The following HEATR6 variants were observed in gnomAD, a reference collection of about 807,000 sequenced individuals.
HEATR6 encodes HEAT repeat containing 6.
In HEATR6, 106 loss-of-function variants were observed where a neutral mutation model predicts 132.8. The ratio of observed to expected loss-of-function variants is 0.80; its 90% CI spans 0.68 to 0.94. The LOEUF is 0.94. Among genes scored for constraint, HEATR6 ranks in the 40% least tolerant of loss-of-function variants. HEATR6 has a pLI of 0.00. For missense variants in HEATR6, 1,339 were observed against 1,425.1 expected (o/e 0.94, Z 0.97); for synonymous variants, 529 against 537.8 (o/e 0.98, Z 0.23).
Position 60,043,581 on chromosome 17 carries a change from T to G in HEATR6, c.3528A>C (p.Pro1176=), listed in dbSNP as rs1407587583. The G allele has an allele frequency of 6.2e-7, 1 of 1,612,506 alleles. No individual in the cohort carries two copies. Among genetic ancestry groups the G allele is most frequent in the Non-Finnish European group, 8.5e-7 (1 of 1,178,816 alleles). ...GGGATCTTCACTGATTTGTTAACCCTGGGAGTGCCCCTTGTGATCCAGATG... is the reference window on the plus strand; with the variant it reads ...GGGATCTTCACTGATTTGTTAACCCGGGGAGTGCCCCTTGTGATCCAGATG... ...FDSSGSQGAL[P]GLTNQ The change falls in exon 20 of 20, where the codon CCA becomes CCC. Residue 1176 remains proline (P), a synonymous_variant. Coordinates refer to ENST00000184956, the MANE Select transcript of HEATR6 (RefSeq NM_022070.5).
At chr17:60,047,429 A>G (rs1226893721) in intron 17 of HEATR6, 24 bp from the exon 18 acceptor site, 1 of 1,456,230 alleles carries the variant, frequency 6.9e-7, no homozygotes. Context: ...AGCAGACAAC[A>G]CATGTTAAAA....
At chr17:60,064,330 C>CAAAG (rs550875564) in intron 9 of HEATR6, 4 of 167,676 alleles carry the variant, frequency 2.4e-5, no homozygotes, top group African/African-American at 9.6e-5. Flanking sequence ...AACAAACAAA[C>CAAAG]AAAAGCCTGT....
At position 60,069,253 on chromosome 17, in the gene HEATR6, C is replaced by T. The variant is rs8082129; in HGVS notation, c.939+458G>A. ...CAAATTATGGCCCAAAAGCCAAATC[C>T]AGCCCAGCACACAGCCTGCTTCTGT... On this transcript the variant is annotated intron_variant, in intron 7 of 19. Coordinates refer to ENST00000184956, the MANE Select transcript of HEATR6 (RefSeq NM_022070.5). Among the ~76,000 whole-genome samples the T allele has an allele frequency of 7.2e-3, 1,103 of 152,380 alleles. 11 individuals carry two copies. The highest frequency in any genetic ancestry group is 0.024 in the African/African-American group (1,013 of 41,594).
intron 8 of HEATR6, among the ~76,000 whole-genome samples, chr17:60,066,999 G>A (rs1189773866): frequency 6.6e-6 from 1 of 152,136 alleles, no homozygotes; most frequent in East Asian, 1.9e-4. Context: ...GGCCGGGCGC[G>A]GTGGCTCACG....
intron 1 of HEATR6, 130 bp from the exon 2 acceptor site, chr17:60,076,367 G>A: frequency 1.7e-6 from 1 of 590,408 alleles, no homozygotes; most frequent in Admixed American, 3.0e-5. Context: ...GAGGCAGGAA[G>A]GAAAAAAATG....
At position 60,067,455 on chromosome 17, in the gene HEATR6, C is replaced by T. The variant is rs755247287; in HGVS notation, c.1217G>A (p.Gly406Glu). 2.6e-6 allele frequency: 4 copies of T among 1,558,298 alleles called. No individual in the cohort carries two copies. Among genetic ancestry groups the T allele is most frequent in the Admixed American group, 4.1e-5 (2 of 48,410 alleles). ...SSESDFSDAE[G>E]GMQSKMRSYQ... ...CTACCTCATTTTACTCTGCATGCCT[C>T]CTTCAGCATCAGAAAAGTCTGACTC... Residue 406 changes from glycine to glutamate, a missense_variant, in exon 8 of 20, where the codon GGA becomes GAA. Coordinates refer to ENST00000184956, the MANE Select transcript of HEATR6 (RefSeq NM_022070.5).
At chr17:60,069,097 C>T (rs924830138) in intron 7 of HEATR6, among the ~76,000 whole-genome samples, 2 of 152,214 alleles carry the variant, frequency 1.3e-5, no homozygotes, top group Non-Finnish European at 2.9e-5. Flanking sequence ...CATCTGTATG[C>T]TCCAGGTTCT....
intron 4 of HEATR6, 52 bp downstream of exon 4, chr17:60,073,112 C>G (rs964395498): frequency 9.6e-7 from 1 of 1,046,778 alleles, no homozygotes; most frequent in Admixed American, 1.7e-5. Context: ...ACAAAGGGCC[C>G]AATAGAGGCA....
intron 15 of HEATR6, 108 bp downstream of exon 15, chr17:60,050,735 C>G (rs1383128913): frequency 2.2e-6 from 3 of 1,359,646 alleles, no homozygotes; most frequent in Non-Finnish European, 3.1e-6. Context: ...GAACTAGCGC[C>G]TTTTCATCAG....
At chr17:60,044,243 T>G (rs1410914442) in intron 19 of HEATR6, 109 bp from the exon 20 acceptor site, 1 of 749,372 alleles carries the variant, frequency 1.3e-6, no homozygotes, top group Non-Finnish European at 2.2e-6. Flanking sequence ...ACACTCATTT[T>G]ATGTGTTCAC....
chr17:60,049,557 G>T (rs1238258841), intron 16 of HEATR6, 23 bp downstream of exon 16: 1 of 1,612,734 alleles, frequency 6.2e-7, no homozygotes, highest in East Asian at 2.2e-5. Context: ...GGGCACAGAA[G>T]AGCTAAATAG....
intron 2 of HEATR6, 183 bp from the exon 3 acceptor site, chr17:60,074,069 C>T: frequency 3.1e-6 from 4 of 1,299,716 alleles, no homozygotes; most frequent in Non-Finnish European, 2.9e-6. Context: ...CTTCTCCCCA[C>T]CCCAAGGTCT....
intron 1 of HEATR6, 46 bp from the exon 2 acceptor site, chr17:60,076,283 T>C: frequency 6.8e-6 from 7 of 1,030,312 alleles, no homozygotes; most frequent in Non-Finnish European, 1.0e-5. Context: ...ATTAGTCAAG[T>C]GAAGATCCTC....
chr17:60,044,116 G>A lies in HEATR6; in HGVS notation c.2993C>T (p.Ser998Phe). 1 of 1,611,108 alleles carries A rather than the reference G, an allele frequency of 6.2e-7. No homozygotes were observed. The highest frequency in any genetic ancestry group is 8.5e-7 in the Non-Finnish European group (1 of 1,178,368). ...ALPLGTAPWT[S>F]QAYNALTSVV... ...CGATGTCAGGGCATTGTAGGCCTGG[G>A]AGGTCCATGGGGCTGTCCCTAGAAA... The change falls in exon 20 of 20, where the codon TCC becomes TTC. Residue 998 changes from serine (S) to phenylalanine (F), a missense_variant. Physicochemically the swap from Ser to Phe is radical, Grantham distance 155. Transcript: ENST00000184956.
At chr17:60,053,253 C>A (rs1014496892) in intron 14 of HEATR6, among the ~76,000 whole-genome samples, 1 of 152,216 alleles carries the variant, frequency 6.6e-6, no homozygotes, top group African/African-American at 2.4e-5. Context: ...CCCCCTTCGC[C>A]TTCCACCATG....
In HEATR6 at chr17:60,059,985, C is replaced by T. The variant is rs751173580; in HGVS notation, c.1528G>A (p.Val510Ile). 8.1e-6 allele frequency: 13 copies of T among 1,613,854 alleles called. No homozygotes were observed. Among genetic ancestry groups the T allele is most frequent in the East Asian group, 2.2e-5 (1 of 44,882 alleles). Reference sequence around the variant, plus strand: ...TCTCTAATGCTGCAAGCGATCATTACGGAGAAGGGGGTAAAAGCCCTTCTG... The same window carrying T: ...TCTCTAATGCTGCAAGCGATCATTATGGAGAAGGGGGTAAAAGCCCTTCTG... ...DHRRAFTPFS[V>I]MIACSIRELH... Residue 510 changes from valine (V) to isoleucine (I), a missense_variant, in exon 10 of 20, where the codon GTA becomes ATA. Coordinates refer to ENST00000184956, the MANE Select transcript of HEATR6 (RefSeq NM_022070.5).
chr17:60,073,036 A>T (rs2083277634), intron 4 of HEATR6, 128 bp downstream of exon 4: 4 of 579,520 alleles, frequency 6.9e-6, no homozygotes, highest in Non-Finnish European at 1.2e-5. Context: ...TTAGTAAAGT[A>T]CATGGGAAAT....
chr17:60,069,867 G>T lies in HEATR6; in HGVS notation c.802-19C>A. 1 of 1,597,736 alleles carries T rather than the reference G, an allele frequency of 6.3e-7. No individual in the cohort carries two copies. The highest frequency in any genetic ancestry group is 8.6e-7 in the Non-Finnish European group (1 of 1,169,224). On this transcript the variant is annotated intron_variant, in intron 6 of 19. Coordinates refer to ENST00000184956, the MANE Select transcript of HEATR6 (RefSeq NM_022070.5). ...TGAATTTCTAATAATGATGAATAAGGACACACACACACACACGAAACCAAA... is the reference window on the plus strand; with the variant it reads ...TGAATTTCTAATAATGATGAATAAGTACACACACACACACACGAAACCAAA...
chr17:60,059,337 T>C (rs1266281414), intron 11 of HEATR6, 85 bp downstream of exon 11: 3 of 733,580 alleles, frequency 4.1e-6, no homozygotes, highest in Non-Finnish European at 6.7e-6. Context: ...TTTGAATATA[T>C]ACATATATCT....
Sources: gnomAD v4.1 joint callset for allele counts (sites outside exome capture counted in the v4.1 genomes callset) on GRCh38, gnomAD v4.1.1 for gene constraint, MANE v1.5 for transcripts, NCBI Gene and HGNC (gene_info 2026-07-23, HGNC 2026-07-21) for gene names.